Variants in B3GALT1 observed in about 807,000 individuals in gnomAD.
The protein encoded by B3GALT1 is UDP-Gal:betaGlcNAc beta 1,3-galactosyltransferase, polypeptide 1.
Under a neutral mutation model 23.2 loss-of-function variants are expected in B3GALT1, and 10 were observed. That is an observed-to-expected ratio of 0.43 (90% CI 0.27 to 0.73). The LOEUF (loss-of-function observed/expected upper bound fraction) is 0.73, where lower values mean the gene tolerates loss of function less well. B3GALT1 is among the 30% of genes least tolerant of loss of function. B3GALT1 has a pLI of 0.21. For missense variants in B3GALT1, 299 were observed against 405.4 expected (o/e 0.74, Z 2.25); for synonymous variants, 156 against 141.5 (o/e 1.10, Z -0.73).
intron 2 of B3GALT1, among the ~76,000 whole-genome samples, chr2:167,533,951 A>C (rs902216415): frequency 1.3e-5 from 2 of 152,158 alleles, no homozygotes; most frequent in Non-Finnish European, 2.9e-5. Context: ...AGCACTTTGA[A>C]AATGATATTC....
chr2:167,699,119 G>A (rs1238815114), intron 3 of B3GALT1, among the ~76,000 whole-genome samples: 6 of 152,068 alleles, frequency 3.9e-5, no homozygotes, highest in South Asian at 2.1e-4. Context: ...TTTCGGTTAC[G>A]GGAAAGATAC....
chr2:167,659,351 G>A (rs984015826), intron 3 of B3GALT1, among the ~76,000 whole-genome samples: 7 of 151,676 alleles, frequency 4.6e-5, no homozygotes, highest in Non-Finnish European at 7.4e-5. Context: ...CAAGTACTAC[G>A]GGGTAGTTCA....
chr2:167,337,349 T>TCA (rs142608625), intron 1 of B3GALT1, among the ~76,000 whole-genome samples: 2 of 151,568 alleles, frequency 1.3e-5, no homozygotes, highest in African/African-American at 4.9e-5. Context: ...AAATGCGTGC[T>TCA]CACACACACA....
chr2:167,644,159 T>C (rs939558191), intron 2 of B3GALT1, among the ~76,000 whole-genome samples: 1 of 152,204 alleles, frequency 6.6e-6, no homozygotes, highest in Admixed American at 6.5e-5. Context: ...GTTATTAGTT[T>C]CCATACTGGC....
At chr2:167,593,699 T>A (rs1684723450) in intron 2 of B3GALT1, among the ~76,000 whole-genome samples, 1 of 152,182 alleles carries the variant, frequency 6.6e-6, no homozygotes, top group African/African-American at 2.4e-5. Flanking sequence ...TCCAACAGCA[T>A]GAACTGAGGT....
intron 3 of B3GALT1, among the ~76,000 whole-genome samples, chr2:167,681,174 G>T (rs899287570): frequency 3.9e-5 from 6 of 151,938 alleles, no homozygotes; most frequent in African/African-American, 1.5e-4. Flanking sequence ...CTTGGGAGAG[G>T]GCCACATGAT....
intron 3 of B3GALT1, among the ~76,000 whole-genome samples, chr2:167,792,071 A>G (rs1458982013): frequency 1.7e-5 from 2 of 120,120 alleles, no homozygotes; most frequent in Admixed American, 7.7e-5. Flanking sequence ...GTGCAAATCT[A>G]AAAAAAAAAA....
At chr2:167,732,087 A>T (rs1236404764) in intron 3 of B3GALT1, among the ~76,000 whole-genome samples, 1 of 152,194 alleles carries the variant, frequency 6.6e-6, no homozygotes, top group Non-Finnish European at 1.5e-5. Context: ...AAGAAGAAGT[A>T]CTCTAAGCTC....
chr2:167,683,520 A>T (rs1015529660), intron 3 of B3GALT1, among the ~76,000 whole-genome samples: 1 of 152,150 alleles, frequency 6.6e-6, no homozygotes, highest in Non-Finnish European at 1.5e-5. Context: ...CAGGAGTTCA[A>T]GATCAGCTGG....
intron 2 of B3GALT1, among the ~76,000 whole-genome samples, chr2:167,519,843 A>G (rs1227116): frequency 0.58 from 87,919 of 151,946 alleles, 29,400 homozygotes; most frequent in East Asian, 0.99. Flanking sequence ...AGGCCAAGGC[A>G]GGTAGATCAC....
intron 3 of B3GALT1, among the ~76,000 whole-genome samples, chr2:167,689,844 G>A (rs948072877): frequency 6.6e-6 from 1 of 152,050 alleles, no homozygotes; most frequent in Non-Finnish European, 1.5e-5. Context: ...AGAGGAAGAC[G>A]GAAAGAGAGG....
chr2:167,414,916 C>T (rs1698444440), intron 1 of B3GALT1, among the ~76,000 whole-genome samples: 1 of 152,130 alleles, frequency 6.6e-6, no homozygotes, highest in African/African-American at 2.4e-5. Flanking sequence ...AATTCTTTAA[C>T]AGATATTTTT....
chr2:167,714,810 C>G (rs1433032423), intron 3 of B3GALT1: 1 of 1,612,414 alleles, frequency 6.2e-7, no homozygotes, highest in Admixed American at 1.7e-5. Context: ...CTGATCTTTT[C>G]TTCCACTTTA....
At chr2:167,445,003 G>A (rs1553519494) in intron 1 of B3GALT1, among the ~76,000 whole-genome samples, 1 of 152,152 alleles carries the variant, frequency 6.6e-6, no homozygotes, top group African/African-American at 2.4e-5. Context: ...TGGGCATTTA[G>A]TGCTATAAAT....
intron 2 of B3GALT1, among the ~76,000 whole-genome samples, chr2:167,630,207 G>T (rs910490484): frequency 6.6e-6 from 1 of 151,782 alleles, no homozygotes; most frequent in Admixed American, 6.6e-5. Context: ...TGCATTAAAT[G>T]TAGGCATATT....
At chr2:167,684,386 T>C (rs921289501) in intron 3 of B3GALT1, among the ~76,000 whole-genome samples, 1 of 152,236 alleles carries the variant, frequency 6.6e-6, no homozygotes, top group Non-Finnish European at 1.5e-5. Flanking sequence ...TTAATTTCAA[T>C]AGAGGAATAA....
chr2:167,661,378 T>C (rs1686057524), intron 3 of B3GALT1, among the ~76,000 whole-genome samples: 1 of 152,078 alleles, frequency 6.6e-6, no homozygotes. Flanking sequence ...TAACTGTCTC[T>C]AGCCCCAAGA....
chr2:167,800,369 A>G (rs1026496149), intron 3 of B3GALT1, among the ~76,000 whole-genome samples: 1 of 152,138 alleles, frequency 6.6e-6, no homozygotes, highest in Non-Finnish European at 1.5e-5. Context: ...ACACTTTCTT[A>G]CCATTAAGTA....
chr2:167,311,547 A>C (rs985090668), intron 1 of B3GALT1, among the ~76,000 whole-genome samples: 7 of 152,082 alleles, frequency 4.6e-5, no homozygotes, highest in Non-Finnish European at 5.9e-5. Context: ...TAAAATATTT[A>C]AATAATCATA....
Sources: gnomAD v4.1 joint callset for allele counts (sites outside exome capture counted in the v4.1 genomes callset) on GRCh38, gnomAD v4.1.1 for gene constraint, MANE v1.5 for transcripts, NCBI Gene and HGNC (gene_info 2026-07-23, HGNC 2026-07-21) for gene names.